Variants in PCDH15 observed in about 807,000 individuals in gnomAD.
PCDH15 encodes the protein protocadherin related 15.
Under a neutral mutation model 178.5 loss-of-function variants are expected in PCDH15, and 129 were observed. The ratio of observed to expected loss-of-function variants is 0.72; its 90% CI spans 0.63 to 0.84. The LOEUF (loss-of-function observed/expected upper bound fraction) is 0.84. PCDH15 is among the 40% of genes least tolerant of loss of function. The pLI, the probability that PCDH15 is intolerant of heterozygous loss-of-function variation, is 0.00. For synonymous variants in PCDH15, 800 were observed against 732.0 expected (o/e 1.09, Z -1.50); for missense variants, 2,230 against 2,099.9 (o/e 1.06, Z -1.21).
chr10:55,365,556 A>T lies in PCDH15; in HGVS notation c.-155-198905T>A, dbSNP rs142433993. ...TCTCATCTTGAATTATAACTCCCAC[A>T]ATTCCTACATGTCATGGGAGGAACC... On this transcript the variant is annotated intron_variant, in intron 2 of 5. Transcript: ENST00000613346. 2.2e-3 allele frequency among the ~76,000 whole-genome samples: 332 copies of T among 152,152 alleles called. 1 individual carries two copies. The highest frequency in any genetic ancestry group is 7.4e-3 in the African/African-American group (308 of 41,534).
intron 3 of PCDH15, among the ~76,000 whole-genome samples, chr10:54,417,695 C>T (rs185371933): frequency 6.6e-6 from 1 of 152,034 alleles, no homozygotes; most frequent in African/African-American, 2.4e-5. Flanking sequence ...CAAATATTAA[C>T]AAACTTTGGA....
chr10:54,740,998 A>C (rs1188304651), intron 1 of PCDH15, among the ~76,000 whole-genome samples: 1 of 151,806 alleles, frequency 6.6e-6, no homozygotes, highest in Non-Finnish European at 1.5e-5. Context: ...TGTACATTTA[A>C]AAATGGCTAG....
intron 21 of PCDH15, among the ~76,000 whole-genome samples, chr10:53,974,275 A>G (rs1389366736): frequency 6.6e-6 from 1 of 152,208 alleles, no homozygotes; most frequent in Non-Finnish European, 1.5e-5. Flanking sequence ...TTGGCTTCCC[A>G]GAGTGTTGGG....
chr10:55,060,419 C>T (rs1480980884), intron 2 of PCDH15, among the ~76,000 whole-genome samples: 1 of 151,944 alleles, frequency 6.6e-6, no homozygotes, highest in African/African-American at 2.4e-5. Context: ...AAGTGCAATG[C>T]CTTAGTTTCC....
chr10:55,407,369 A>G (rs1838224302), intron 2 of PCDH15, among the ~76,000 whole-genome samples: 1 of 152,272 alleles, frequency 6.6e-6, no homozygotes, highest in East Asian at 1.9e-4. Context: ...TAGAGTTCAA[A>G]TGGGTAAATA....
intron 1 of PCDH15, among the ~76,000 whole-genome samples, chr10:55,180,031 T>C (rs1379290225): frequency 6.6e-6 from 1 of 151,944 alleles, no homozygotes; most frequent in African/African-American, 2.4e-5. Flanking sequence ...TGTTCACATA[T>C]ACCTACAATT....
chr10:54,324,659 CG>C (rs1395147703), intron 7 of PCDH15, among the ~76,000 whole-genome samples: 1 of 151,858 alleles, frequency 6.6e-6, no homozygotes, highest in Admixed American at 6.6e-5. Flanking sequence ...ACCAACTACT[CG>C]GGAGGCTGAG....
chr10:54,187,003 T>C (rs1251083636), intron 11 of PCDH15, among the ~76,000 whole-genome samples: 1 of 151,972 alleles, frequency 6.6e-6, no homozygotes, highest in Non-Finnish European at 1.5e-5. Flanking sequence ...AAACTCTAAG[T>C]ATGAATGTCT....
At chr10:54,556,425 CAAGAT>C (rs1488937085) in intron 2 of PCDH15, among the ~76,000 whole-genome samples, 4 of 151,996 alleles carry the variant, frequency 2.6e-5, no homozygotes, top group Non-Finnish European at 5.9e-5. Flanking sequence ...GCTATGTTGT[CAAGAT>C]GAGATAATTT....
rs954991640 is a variant in PCDH15 at position 54,288,028 on chromosome 10, AAG to A, written c.876+29241_876+29242del. ...ATAGTTGATGATGATGATGATGGGAAAGAGAGAGAGAAAGGCCAGGTGTGGTG... is the reference window on the plus strand; with the variant it reads ...ATAGTTGATGATGATGATGATGGGAAAGAGAGAGAAAGGCCAGGTGTGGTG... On this transcript the variant is annotated intron_variant, in intron 8 of 37. Coordinates refer to ENST00000644397, the MANE Select transcript of PCDH15 (RefSeq NM_001384140.1). Among the ~76,000 whole-genome samples the A allele has an allele frequency of 3.3e-5, 5 of 152,136 alleles. 1 individual carries two copies. The highest frequency in any genetic ancestry group is 5.9e-5 in the Non-Finnish European group (4 of 68,022).
Position 54,213,557 on chromosome 10 carries a change from AAC to A in PCDH15, c.1098+377_1098+378del, listed in dbSNP as rs540062901. ...GTAATAAAAATGAAAACAAAATTAA[AAC>A]AACATATAAATCAAGCACATTTTAG... is the stretch of plus-strand genomic sequence containing the variant. On this transcript the variant is annotated intron_variant, in intron 10 of 37. Coordinates refer to ENST00000644397, the MANE Select transcript of PCDH15 (RefSeq NM_001384140.1). Among the ~76,000 whole-genome samples, 370 of 152,294 alleles carry A rather than the reference AAC, an allele frequency of 2.4e-3. 1 individual carries two copies. In the Middle Eastern group the frequency reaches 0.027, roughly 11 times the overall value.
chr10:54,776,115 T>C (rs552013583), intron 1 of PCDH15, among the ~76,000 whole-genome samples: 1 of 152,336 alleles, frequency 6.6e-6, no homozygotes, highest in East Asian at 1.9e-4. Context: ...CTTCATTTTT[T>C]ATGTCTGAAT....
chr10:55,581,696 A>G (rs1171870263), intron 2 of PCDH15, among the ~76,000 whole-genome samples: 1 of 152,202 alleles, frequency 6.6e-6, no homozygotes, highest in Non-Finnish European at 1.5e-5. Flanking sequence ...ATAAAAGTAG[A>G]AGACATTTAT....
chr10:54,846,417 T>C (rs1202356246), intron 3 of PCDH15, among the ~76,000 whole-genome samples: 2 of 152,158 alleles, frequency 1.3e-5, no homozygotes, highest in African/African-American at 2.4e-5. Context: ...ATAATTTTTC[T>C]GTCCCAACTT....
intron 2 of PCDH15, among the ~76,000 whole-genome samples, chr10:55,327,582 T>C (rs1340412421): frequency 6.6e-6 from 1 of 152,038 alleles, no homozygotes; most frequent in African/African-American, 2.4e-5. Flanking sequence ...ACATTTAAAA[T>C]GTACTTTAAT....
intron 2 of PCDH15, among the ~76,000 whole-genome samples, chr10:55,015,634 C>T (rs1840155824): frequency 1.3e-5 from 2 of 152,026 alleles, no homozygotes; most frequent in African/African-American, 2.4e-5. Flanking sequence ...TCCACTAAAA[C>T]TGGGTAATTT....
At chr10:55,264,655 C>G (rs1271713301) in intron 1 of PCDH15, among the ~76,000 whole-genome samples, 1 of 152,150 alleles carries the variant, frequency 6.6e-6, no homozygotes, top group African/African-American at 2.4e-5. Flanking sequence ...GTTCTCTTCA[C>G]CACCCCCAGC....
At chr10:54,130,380 G>A (rs1255324715) in intron 15 of PCDH15, among the ~76,000 whole-genome samples, 5 of 152,138 alleles carry the variant, frequency 3.3e-5, no homozygotes, top group African/African-American at 9.7e-5. Context: ...CGATTTCGGC[G>A]CGGTCTGGCT....
intron 2 of PCDH15, among the ~76,000 whole-genome samples, chr10:54,583,000 T>A (rs1345549508): frequency 1.3e-5 from 2 of 150,458 alleles, no homozygotes; most frequent in Non-Finnish European, 3.0e-5. Context: ...GTTACTGGTA[T>A]CTTAGAATAT....
Sources: gnomAD v4.1 joint callset for allele counts (sites outside exome capture counted in the v4.1 genomes callset) on GRCh38, gnomAD v4.1.1 for gene constraint, MANE v1.5 for transcripts, NCBI Gene and HGNC (gene_info 2026-07-23, HGNC 2026-07-21) for gene names.